Variants in RUNX2 observed in about 807,000 individuals in gnomAD.
RUNX2 encodes RUNX family transcription factor 2.
A neutral mutation model predicts 51.7 loss-of-function variants in RUNX2; 10 were observed. The ratio of observed to expected loss-of-function variants is 0.19; its 90% CI spans 0.12 to 0.33. The LOEUF is 0.33. Ranked by LOEUF, RUNX2 falls within the 10% of genes least tolerant of loss-of-function variation. The pLI is 1.00. For missense variants in RUNX2, 562 were observed against 691.3 expected, an observed-to-expected ratio of 0.81 and a Z score of 2.10; for synonymous variants, 276 against 273.6, an observed-to-expected ratio of 1.01 and a Z score of -0.09.
intron 2 of RUNX2, chr6:45,371,854 A>C (rs1354465929): frequency 2.0e-6 from 2 of 983,214 alleles, no homozygotes; most frequent in Non-Finnish European, 2.4e-6. Flanking sequence ...ACAGTTTGAA[A>C]ATCACTAATT....
At chr6:45,359,222 A>T (rs1229473667) in intron 2 of RUNX2, among the ~76,000 whole-genome samples, 1 of 152,190 alleles carries the variant, frequency 6.6e-6, no homozygotes, top group East Asian at 1.9e-4. Context: ...ACAAGCACTT[A>T]ATTTCACTGG....
chr6:45,507,115 CA>C (rs2150417255), intron 6 of RUNX2, among the ~76,000 whole-genome samples: 1 of 152,070 alleles, frequency 6.6e-6, no homozygotes, highest in East Asian at 1.9e-4. Context: ...GATTAAAAGT[CA>C]AGGATATTTG....
At chr6:45,475,038 C>T (rs949799674) in intron 5 of RUNX2, among the ~76,000 whole-genome samples, 4 of 150,490 alleles carry the variant, frequency 2.7e-5, no homozygotes, top group East Asian at 2.0e-4. Flanking sequence ...GCAGGAGAGT[C>T]GCTTGAACCT....
At chr6:45,536,525 A>G (rs943891866) in intron 7 of RUNX2, among the ~76,000 whole-genome samples, 1 of 152,216 alleles carries the variant, frequency 6.6e-6, no homozygotes, top group Non-Finnish European at 1.5e-5. Context: ...CTGTTGGACC[A>G]CACCTGGGGA....
intron 7 of RUNX2, among the ~76,000 whole-genome samples, chr6:45,538,038 G>T (rs1200571495): frequency 6.6e-6 from 1 of 152,120 alleles, no homozygotes; most frequent in Non-Finnish European, 1.5e-5. Context: ...TCAGTTAAAT[G>T]TCCCCCTTTA....
intron 5 of RUNX2, among the ~76,000 whole-genome samples, chr6:45,490,559 C>T (rs1800431743): frequency 6.6e-6 from 1 of 151,060 alleles, no homozygotes; most frequent in Admixed American, 6.7e-5. Context: ...CTTACGAAGA[C>T]AGCTTATAGT....
At position 45,492,067 on chromosome 6, in the gene RUNX2, A is replaced by G; in HGVS notation, c.812A>G (p.Asn271Ser). ...CCTCAGAACCCACGGCCCTCCCTGAACTCTGCACCAAGTCCTTTTAATCCA... is the reference window on the plus strand; with the variant it reads ...CCTCAGAACCCACGGCCCTCCCTGAGCTCTGCACCAAGTCCTTTTAATCCA... ...VPPQNPRPSL[N>S]SAPSPFNPQG... is the part of the protein sequence containing the mutation. Residue 271 changes from asparagine (N) to serine (S), a missense_variant, in exon 6 of 9, where the codon AAC (asparagine) becomes AGC (serine). Coordinates refer to ENST00000647337, the MANE Select transcript of RUNX2 (RefSeq NM_001024630.4). 1.9e-6 allele frequency: 3 copies of G among 1,613,726 alleles called. No individual in the cohort carries two copies. Among genetic ancestry groups the G allele is most frequent in the Non-Finnish European group, 1.7e-6 (2 of 1,179,860 alleles).
chr6:45,436,796 T>A (rs1798697946), intron 4 of RUNX2, among the ~76,000 whole-genome samples: 1 of 152,218 alleles, frequency 6.6e-6, no homozygotes. Context: ...TTGGTACATA[T>A]TGTCAAAGAT....
At chr6:45,393,916 G>C (rs747541220) in intron 2 of RUNX2, among the ~76,000 whole-genome samples, 1 of 150,834 alleles carries the variant, frequency 6.6e-6, no homozygotes, top group Non-Finnish European at 1.5e-5. Context: ...TTGGGTAGGG[G>C]GTGCCACTTT....
At chr6:45,482,692 A>AT (rs1460438467) in intron 5 of RUNX2, among the ~76,000 whole-genome samples, 14 of 152,068 alleles carry the variant, frequency 9.2e-5, no homozygotes, top group Admixed American at 2.6e-4. Flanking sequence ...AGCTTTTAAC[A>AT]TTTTTTCTAT....
chr6:45,543,107 C>T (rs1218075106), intron 7 of RUNX2, among the ~76,000 whole-genome samples: 1 of 152,178 alleles, frequency 6.6e-6, no homozygotes, highest in Non-Finnish European at 1.5e-5. Context: ...AAATGTTGCA[C>T]TCTCCTCCAC....
At chr6:45,496,526 G>A (rs571070112) in intron 6 of RUNX2, among the ~76,000 whole-genome samples, 1 of 152,178 alleles carries the variant, frequency 6.6e-6, no homozygotes, top group Non-Finnish European at 1.5e-5. Flanking sequence ...ACTCGGAGAG[G>A]GAAGGAGCTA....
chr6:45,420,453 A>G (rs367876043), intron 2 of RUNX2, among the ~76,000 whole-genome samples: 2 of 152,218 alleles, frequency 1.3e-5, no homozygotes, highest in African/African-American at 4.8e-5. Context: ...AAAAACACCC[A>G]GTAATGGGTA....
chr6:45,334,814 A>G (rs1788239791), intron 2 of RUNX2, among the ~76,000 whole-genome samples: 1 of 151,246 alleles, frequency 6.6e-6, no homozygotes, highest in Non-Finnish European at 1.5e-5. Flanking sequence ...CATGAAATAT[A>G]ATCAAAATTT....
chr6:45,465,606 C>T (rs1177837854), intron 5 of RUNX2, among the ~76,000 whole-genome samples: 1 of 151,466 alleles, frequency 6.6e-6, no homozygotes, highest in African/African-American at 2.4e-5. Flanking sequence ...TTGATGAAAA[C>T]TACTTAATTT....
intron 2 of RUNX2, among the ~76,000 whole-genome samples, chr6:45,378,204 G>A (rs919462466): frequency 3.9e-5 from 6 of 152,226 alleles, no homozygotes; most frequent in Non-Finnish European, 5.9e-5. Context: ...CGCTGGGAGC[G>A]GAGTGGGGAC....
At chr6:45,541,043 A>T (rs1239262232) in intron 7 of RUNX2, among the ~76,000 whole-genome samples, 1 of 152,252 alleles carries the variant, frequency 6.6e-6, no homozygotes, top group Non-Finnish European at 1.5e-5. Flanking sequence ...GTTTGATGTC[A>T]GCATTGCTCA....
At chr6:45,404,600 C>T (rs565927316) in intron 2 of RUNX2, among the ~76,000 whole-genome samples, 1 of 152,130 alleles carries the variant, frequency 6.6e-6, no homozygotes, top group Non-Finnish European at 1.5e-5. Context: ...TGCAATTGAA[C>T]AAAATTTACA....
chr6:45,401,744 A>G (rs1700868968), intron 2 of RUNX2, among the ~76,000 whole-genome samples: 1 of 152,258 alleles, frequency 6.6e-6, no homozygotes, highest in Admixed American at 6.5e-5. Flanking sequence ...CAACAGGCAT[A>G]CAAATGCCAG....
Sources: allele counts gnomAD v4.1 joint callset (sites outside exome capture counted in the v4.1 genomes callset), GRCh38; gene constraint gnomAD v4.1.1; transcripts MANE v1.5; gene names NCBI Gene and HGNC (gene_info 2026-07-23, HGNC 2026-07-21).